Variants in LCLAT1 observed in about 807,000 individuals in gnomAD.
The protein encoded by LCLAT1 is 1-AGP acyltransferase 8.
LCLAT1 carries 11 observed loss-of-function variants against 30.7 expected under a neutral mutation model. The observed-to-expected ratio is 0.36, with a 90% CI of 0.23 to 0.59. LCLAT1 has a LOEUF of 0.59. Among genes scored for constraint, LCLAT1 ranks in the 20% least tolerant of loss-of-function variants. LCLAT1 has a pLI of 0.77. For missense variants in LCLAT1, 402 were observed against 458.6 expected (o/e 0.88, Z 1.13); for synonymous variants, 155 against 151.3 (o/e 1.02, Z -0.18).
chr2:30,493,333 T>G (rs1263733854), intron 1 of LCLAT1, among the ~76,000 whole-genome samples: 1 of 152,210 alleles, frequency 6.6e-6, no homozygotes, highest in African/African-American at 2.4e-5. Flanking sequence ...CAATATAACT[T>G]AGTGATGTTT....
chr2:30,580,768 A>G (rs1014691462), intron 5 of LCLAT1, among the ~76,000 whole-genome samples: 1 of 152,144 alleles, frequency 6.6e-6, no homozygotes. Context: ...GCAGGAGGCA[A>G]GGTTCAGCTG....
At chr2:30,525,455 A>C (rs829618) in intron 1 of LCLAT1, 132 bp from the exon 2 acceptor site, 1 of 678,158 alleles carries the variant, frequency 1.5e-6, no homozygotes, top group Non-Finnish European at 2.5e-6. Context: ...TGAAATTCAG[A>C]CTCTTATATT....
chr2:30,614,504 T>G (rs1247141622), intron 5 of LCLAT1, among the ~76,000 whole-genome samples: 1 of 152,138 alleles, frequency 6.6e-6, no homozygotes, highest in Non-Finnish European at 1.5e-5. Flanking sequence ...GGAACTAGTG[T>G]GACTGCAAGG....
chr2:30,512,779 G>T lies in LCLAT1; in HGVS notation c.-4-12808G>T, dbSNP rs865794626. Reference sequence around the variant, plus strand: ...TGTGAGTTTCCTTATTCTCTTGAATGCCTGCTTAGTATTTCATAATAAATG... The same window carrying T: ...TGTGAGTTTCCTTATTCTCTTGAATTCCTGCTTAGTATTTCATAATAAATG... On this transcript the variant is annotated intron_variant, in intron 1 of 5. Transcript: ENST00000379509. 3.3e-5 allele frequency among the ~76,000 whole-genome samples: 5 copies of T among 152,136 alleles called. No homozygotes were observed. In the South Asian group the frequency reaches 1.0e-3, roughly 32 times the overall value.
At chr2:30,506,130 T>C (rs1014570953) in intron 1 of LCLAT1, among the ~76,000 whole-genome samples, 9 of 152,142 alleles carry the variant, frequency 5.9e-5, no homozygotes, top group African/African-American at 2.2e-4. Context: ...TGGGCTTTTA[T>C]TTCTCCTAAG....
chr2:30,480,886 G>A (rs547493430), intron 1 of LCLAT1, among the ~76,000 whole-genome samples: 1 of 152,276 alleles, frequency 6.6e-6, no homozygotes, highest in East Asian at 1.9e-4. Flanking sequence ...ATGACAGGTG[G>A]AAAACCAGGA....
chr2:30,504,193 T>C (rs1684547747), intron 1 of LCLAT1, among the ~76,000 whole-genome samples: 1 of 152,072 alleles, frequency 6.6e-6, no homozygotes, highest in Non-Finnish European at 1.5e-5. Context: ...GCATTACATA[T>C]ATAACATATT....
chr2:30,594,207 A>T (rs917568998), intron 5 of LCLAT1, among the ~76,000 whole-genome samples: 3 of 152,104 alleles, frequency 2.0e-5, no homozygotes, highest in Admixed American at 6.5e-5. Flanking sequence ...TAAAAATTTT[A>T]AAAAATCAAG....
At chr2:30,530,618 T>C (rs185061880) in intron 2 of LCLAT1, among the ~76,000 whole-genome samples, 8 of 152,288 alleles carry the variant, frequency 5.3e-5, no homozygotes, top group East Asian at 3.9e-4. Flanking sequence ...CAGTCAGATC[T>C]CACTGTAACC....
chr2:30,494,536 A>G (rs1451675923), intron 1 of LCLAT1, among the ~76,000 whole-genome samples: 1 of 133,716 alleles, frequency 7.5e-6, no homozygotes, highest in Non-Finnish European at 1.6e-5. Context: ...TTTTGCATAC[A>G]TACATGCATA....
intron 1 of LCLAT1, among the ~76,000 whole-genome samples, chr2:30,470,182 G>A (rs1682704710): frequency 6.6e-6 from 1 of 152,156 alleles, no homozygotes; most frequent in Non-Finnish European, 1.5e-5. Flanking sequence ...TGGTCCACCA[G>A]AACACGAGGT....
intron 1 of LCLAT1, among the ~76,000 whole-genome samples, chr2:30,501,519 A>T (rs1260304682): frequency 6.6e-6 from 1 of 152,102 alleles, no homozygotes; most frequent in Non-Finnish European, 1.5e-5. Flanking sequence ...AAATACAAAA[A>T]AAAAAATTAG....
intron 3 of LCLAT1, among the ~76,000 whole-genome samples, chr2:30,548,984 A>G (rs1182812484): frequency 6.6e-6 from 1 of 152,220 alleles, no homozygotes; most frequent in East Asian, 1.9e-4. Context: ...AAGAAAAGAA[A>G]GGTTCAATTC....
chr2:30,548,826 A>G (rs1328568367), intron 3 of LCLAT1, among the ~76,000 whole-genome samples: 1 of 152,140 alleles, frequency 6.6e-6, no homozygotes, highest in African/African-American at 2.4e-5. Flanking sequence ...CCTGAGTAAG[A>G]CTGGAAAGTA....
chr2:30,499,471 T>C (rs910219136), intron 1 of LCLAT1, among the ~76,000 whole-genome samples: 1 of 152,208 alleles, frequency 6.6e-6, no homozygotes, highest in Non-Finnish European at 1.5e-5. Flanking sequence ...AGTGAGCCAC[T>C]GCGCCCAGCC....
At chr2:30,469,222 G>A (rs746508189) in intron 1 of LCLAT1, among the ~76,000 whole-genome samples, 9 of 151,488 alleles carry the variant, frequency 5.9e-5, no homozygotes, top group Non-Finnish European at 1.0e-4. Flanking sequence ...GGTCTTTCAC[G>A]TGCAAAAGTG....
intron 3 of LCLAT1, among the ~76,000 whole-genome samples, chr2:30,557,050 C>T (rs1378629129): frequency 1.3e-5 from 2 of 151,760 alleles, no homozygotes. Flanking sequence ...GGCCTAGAAA[C>T]TCTTATAATA....
At chr2:30,585,754 C>T (rs751457467) in intron 5 of LCLAT1, among the ~76,000 whole-genome samples, 1 of 152,096 alleles carries the variant, frequency 6.6e-6, no homozygotes, top group African/African-American at 2.4e-5. Context: ...ACACCTTATC[C>T]CTGTTGCTCT....
chr2:30,522,815 C>T (rs957951214), intron 1 of LCLAT1, among the ~76,000 whole-genome samples: 1 of 152,120 alleles, frequency 6.6e-6, no homozygotes, highest in Non-Finnish European at 1.5e-5. Flanking sequence ...CTGGCCCCTT[C>T]GCAGGAGAAA....
Sources: allele counts gnomAD v4.1 joint callset (sites outside exome capture counted in the v4.1 genomes callset), GRCh38; gene constraint gnomAD v4.1.1; transcripts MANE v1.5; gene names NCBI Gene and HGNC (gene_info 2026-07-23, HGNC 2026-07-21).